The following SP3 variants were observed in gnomAD, a reference collection of about 807,000 sequenced individuals.
SP3 encodes transcription factor Sp3.
Under a neutral mutation model 70.3 loss-of-function variants are expected in SP3, and 10 were observed. The ratio of observed to expected loss-of-function variants is 0.14; its 90% CI spans 0.09 to 0.24. The LOEUF (loss-of-function observed/expected upper bound fraction) is 0.24, where lower values mean the gene tolerates loss of function less well. Ranked by LOEUF, SP3 falls within the 10% of genes least tolerant of loss-of-function variation. The probability of loss-of-function intolerance (pLI) is 1.00; values close to 1 mark genes in which losing one functional copy is unlikely to be tolerated. For missense variants in SP3, 825 were observed against 914.6 expected (o/e 0.90, Z 1.26); for synonymous variants, 402 against 333.5 (o/e 1.21, Z -2.24).
At chr2:173,930,089 G>C (rs1420570643) in intron 4 of SP3, among the ~76,000 whole-genome samples, 1 of 152,058 alleles carries the variant, frequency 6.6e-6, no homozygotes. Context: ...CATACCTTTA[G>C]TCTCTTTTCC....
intron 4 of SP3, among the ~76,000 whole-genome samples, chr2:173,938,524 A>G (rs1342655573): frequency 2.0e-5 from 3 of 151,568 alleles, no homozygotes; most frequent in Non-Finnish European, 2.9e-5. Flanking sequence ...TTTCCACACA[A>G]ATCTACGTTT....
At chr2:173,920,192 T>G (rs12052627) in intron 4 of SP3, among the ~76,000 whole-genome samples, 7,223 of 152,144 alleles carry the variant, frequency 0.047, 281 homozygotes, top group Admixed American at 0.14. Context: ...AATTGGCAAT[T>G]ATTCCAACCA....
At position 173,955,246 on chromosome 2, in the gene SP3, A is replaced by G. The variant is rs377278020; in HGVS notation, c.1266T>C (p.His422=). ...IVQGITPQTI[H]GVQASGQNIS... is the part of the protein sequence containing the mutation. ...TATTTTGACCACTGGCTTGCACACC[A>G]TGGATTGTCTGTGGTGTAATACCTT... The change falls in exon 4 of 7, where the codon CAT becomes CAC. Residue 422 remains histidine (H), a synonymous_variant. Transcript: ENST00000310015. 3 of 1,614,030 alleles carry G rather than the reference A, an allele frequency of 1.9e-6. No homozygotes were observed. Among genetic ancestry groups the G allele is most frequent in the African/African-American group, 2.7e-5 (2 of 74,932 alleles).
At chr2:173,960,436 A>G (rs1691032074) in intron 3 of SP3, among the ~76,000 whole-genome samples, 1 of 152,238 alleles carries the variant, frequency 6.6e-6, no homozygotes, top group Non-Finnish European at 1.5e-5. Flanking sequence ...TTAAGAACTT[A>G]GGCAAATATT....
In SP3 at chr2:173,927,986, TTA is replaced by T. The variant is rs201769978; in HGVS notation, c.1640-9203_1640-9202del. On this transcript the variant is annotated intron_variant, in intron 4 of 6. Coordinates refer to ENST00000310015, the MANE Select transcript of SP3 (RefSeq NM_003111.5). ...AACACTGAACTAAAAACATTCATAA[TTA>T]TAGTTTTTTATTTCTTCTACTTGTT... Among the ~76,000 whole-genome samples, 12 of 152,332 alleles carry T rather than the reference TTA, an allele frequency of 7.9e-5. No homozygotes were observed. In the East Asian group the frequency reaches 2.3e-3, roughly 29 times the overall value.
intron 4 of SP3, among the ~76,000 whole-genome samples, chr2:173,946,885 C>CT (rs3045255): frequency 1.6e-3 from 233 of 146,712 alleles, no homozygotes; most frequent in African/African-American, 3.0e-3. Context: ...CCACGCCTGG[C>CT]TTTTTTTTTT....
chr2:173,926,690 T>TA (rs577599195), intron 4 of SP3, among the ~76,000 whole-genome samples: 71 of 152,184 alleles, frequency 4.7e-4, no homozygotes, highest in African/African-American at 1.6e-3. Context: ...TTTAAGTAAT[T>TA]AAAAAAAATT....
At chr2:173,950,895 T>A (rs774558081) in intron 4 of SP3, among the ~76,000 whole-genome samples, 7 of 152,178 alleles carry the variant, frequency 4.6e-5, no homozygotes, top group Non-Finnish European at 1.0e-4. Context: ...TACAGCATTT[T>A]TATTCTCACT....
intron 4 of SP3, among the ~76,000 whole-genome samples, chr2:173,929,552 A>G (rs1156696326): frequency 6.6e-6 from 1 of 152,228 alleles, no homozygotes; most frequent in Non-Finnish European, 1.5e-5. Flanking sequence ...AAAGAAGAAA[A>G]GAAGACAACA....
rs1017757695 is a variant in SP3 at position 173,908,813 on chromosome 2, A to G, written c.*1128T>C. On this transcript the variant is annotated 3_prime_UTR_variant, in exon 7 of 7. Transcript: ENST00000310015. ...GAAAATACAGCATAATAAAAAACAT[A>G]CGCTTCTCAATTAAATGTACTGGAT... 1 of 152,352 alleles carries G rather than the reference A, an allele frequency of 6.6e-6. No individual in the cohort carries two copies. Among genetic ancestry groups the G allele is most frequent in the African/African-American group, 2.4e-5 (1 of 41,438 alleles). The allele number at this position is 152,352 out of a possible 1,614,324, so 9.4% of individuals were successfully genotyped here.
chr2:173,922,178 T>C (rs149579000), intron 4 of SP3, among the ~76,000 whole-genome samples: 2 of 152,150 alleles, frequency 1.3e-5, no homozygotes, highest in African/African-American at 4.8e-5. Context: ...AGGGGTAGAA[T>C]TGTTCAGTCA....
At chr2:173,947,723 C>G (rs910806078) in intron 4 of SP3, among the ~76,000 whole-genome samples, 4 of 152,302 alleles carry the variant, frequency 2.6e-5, no homozygotes, top group Non-Finnish European at 5.9e-5. Context: ...TATCAGCTAT[C>G]TTTCACAGAT....
In SP3 at chr2:173,909,167, C is replaced by G. The variant is rs1322148926; in HGVS notation, c.*774G>C. The G allele has an allele frequency of 6.6e-6, 1 of 152,516 alleles. No individual in the cohort carries two copies. Among genetic ancestry groups the G allele is most frequent in the Non-Finnish European group, 1.5e-5 (1 of 67,930 alleles). 9.4% of individuals were successfully genotyped at this position (152,516 alleles called of 1,614,324 possible). On this transcript the variant is annotated 3_prime_UTR_variant, in exon 7 of 7. Transcript: ENST00000310015. ...CCAATAGTCAAGAAAAGGGATAATT[C>G]ACTATAACATTCTCTTACCACCCAA...
At chr2:173,941,531 G>A (rs1215739980) in intron 4 of SP3, among the ~76,000 whole-genome samples, 2 of 152,150 alleles carry the variant, frequency 1.3e-5, no homozygotes, top group African/African-American at 4.8e-5. Flanking sequence ...GGTCACCTGA[G>A]CCCGGAAGGT....
At chr2:173,911,609 T>C (rs552724815) in intron 6 of SP3, among the ~76,000 whole-genome samples, 1 of 152,140 alleles carries the variant, frequency 6.6e-6, no homozygotes, top group Non-Finnish European at 1.5e-5. Flanking sequence ...GCCCACTATT[T>C]CCTACACTTA....
At chr2:173,950,839 G>A (rs759802830) in intron 4 of SP3, among the ~76,000 whole-genome samples, 103 of 152,110 alleles carry the variant, frequency 6.8e-4, no homozygotes, top group Non-Finnish European at 1.4e-3. Flanking sequence ...CCAAGAGAAA[G>A]TTTATATCCT....
chr2:173,921,349 G>A (rs1209238845), intron 4 of SP3, among the ~76,000 whole-genome samples: 1 of 152,156 alleles, frequency 6.6e-6, no homozygotes, highest in Non-Finnish European at 1.5e-5. Flanking sequence ...GCTACGATGT[G>A]CCAGTCACTG....
chr2:173,935,309 G>C (rs918913882), intron 4 of SP3, among the ~76,000 whole-genome samples: 1 of 152,128 alleles, frequency 6.6e-6, no homozygotes, highest in Non-Finnish European at 1.5e-5. Context: ...TTTAAATAAA[G>C]CAGAGGTTAT....
At chr2:173,934,406 T>C (rs374394724) in intron 4 of SP3, among the ~76,000 whole-genome samples, 12 of 152,236 alleles carry the variant, frequency 7.9e-5, no homozygotes, top group African/African-American at 2.9e-4. Flanking sequence ...TTGAAACAAG[T>C]ATAGGCTGAA....
Sources: allele counts gnomAD v4.1 joint callset (sites outside exome capture counted in the v4.1 genomes callset), GRCh38; gene constraint gnomAD v4.1.1; transcripts MANE v1.5; gene names NCBI Gene and HGNC (gene_info 2026-07-23, HGNC 2026-07-21).